The following NEDD4 variants were observed in gnomAD, a reference collection of about 807,000 sequenced individuals.
The protein encoded by NEDD4 is NEDD4 E3 ubiquitin protein ligase, also known as E3 ubiquitin-protein ligase NEDD4.
Under a neutral mutation model 144.9 loss-of-function variants are expected in NEDD4, and 99 were observed. That is an observed-to-expected ratio of 0.68 (90% confidence interval 0.58 to 0.81). NEDD4 has a LOEUF of 0.81. NEDD4 is among the 30% of genes least tolerant of loss of function. The probability of loss-of-function intolerance (pLI) is 0.00; values close to 1 mark genes in which losing one functional copy is unlikely to be tolerated. For missense variants in NEDD4, 985 were observed against 1,065.9 expected, an observed-to-expected ratio of 0.92 and a Z score of 1.06; for synonymous variants, 318 against 350.6, an observed-to-expected ratio of 0.91 and a Z score of 1.04.
At position 55,860,656 on chromosome 15, in the gene NEDD4, T is replaced by G. The variant is rs771067108; in HGVS notation, c.792+5A>C. The G allele has an allele frequency of 1.9e-6, 3 of 1,613,994 alleles. No individual in the cohort carries two copies. The highest frequency in any genetic ancestry group is 2.5e-6 in the Non-Finnish European group (3 of 1,179,878). On this transcript the variant is annotated splice_donor_5th_base_variant and intron_variant, in intron 10 of 28. Coordinates refer to ENST00000435532, the MANE Select transcript of NEDD4 (RefSeq NM_006154.4). ...TTTCAAGGAGAACTAGGAAACTACT[T>G]ATACCTCGGAAGACTCTCGGTTGTC...
chr15:55,884,913 C>A (rs1387150366), intron 5 of NEDD4, among the ~76,000 whole-genome samples: 1 of 152,034 alleles, frequency 6.6e-6, no homozygotes, highest in African/African-American at 2.4e-5. Flanking sequence ...GAGAACTGTC[C>A]AAACCTAGAG....
intron 8 of NEDD4, 129 bp from the exon 9 acceptor site, chr15:55,863,208 C>A: frequency 1.4e-6 from 1 of 724,310 alleles, no homozygotes. Context: ...ACAGAATAAA[C>A]AATCCTCAAC....
intron 5 of NEDD4, among the ~76,000 whole-genome samples, chr15:55,899,752 G>A (rs2035853977): frequency 6.6e-6 from 1 of 152,184 alleles, no homozygotes; most frequent in Non-Finnish European, 1.5e-5. Context: ...TGTACTGATG[G>A]AAATGTTCTG....
intron 5 of NEDD4, among the ~76,000 whole-genome samples, chr15:55,913,440 C>T (rs563015140): frequency 6.6e-4 from 101 of 152,134 alleles, no homozygotes; most frequent in Non-Finnish European, 1.1e-3. Context: ...TTTGATTTAT[C>T]AATTAGATCT....
intron 2 of NEDD4, among the ~76,000 whole-genome samples, chr15:55,961,287 T>C (rs187829433): frequency 8.4e-4 from 128 of 152,022 alleles, no homozygotes; most frequent in Admixed American, 2.2e-3. Context: ...GCCACTCTCA[T>C]GTGAGAGACT....
intron 5 of NEDD4, among the ~76,000 whole-genome samples, chr15:55,912,638 GA>G (rs1471898624): frequency 1.3e-5 from 2 of 152,030 alleles, no homozygotes; most frequent in African/African-American, 4.8e-5. Context: ...TAACAGTAGA[GA>G]AAAGTAACTA....
chr15:55,860,217 C>T (rs1220904654), intron 11 of NEDD4, among the ~76,000 whole-genome samples, 190 bp downstream of exon 11: 1 of 152,144 alleles, frequency 6.6e-6, no homozygotes, highest in East Asian at 1.9e-4. Flanking sequence ...ATTTGGATGC[C>T]ATGACTCTGG....
chr15:55,830,102 C>G (rs1478261688), intron 28 of NEDD4, 103 bp from the exon 29 acceptor site: 1 of 784,062 alleles, frequency 1.3e-6, no homozygotes, highest in Non-Finnish European at 2.1e-6. Flanking sequence ...TGTTCCAACA[C>G]CACCAAAATA....
At chr15:55,957,439 C>T (rs565253352) in intron 2 of NEDD4, among the ~76,000 whole-genome samples, 1 of 152,186 alleles carries the variant, frequency 6.6e-6, no homozygotes, top group African/African-American at 2.4e-5. Flanking sequence ...TCATAGATAC[C>T]CCTGATGAGG....
chr15:55,967,459 T>C (rs2142331537), intron 1 of NEDD4, among the ~76,000 whole-genome samples: 1 of 151,036 alleles, frequency 6.6e-6, no homozygotes, highest in South Asian at 2.1e-4. Flanking sequence ...TGTGTGTGTG[T>C]GTGTGTGTGT....
intron 1 of NEDD4, among the ~76,000 whole-genome samples, chr15:55,971,454 G>A (rs903180159): frequency 2.6e-5 from 4 of 151,734 alleles, no homozygotes; most frequent in South Asian, 2.1e-4. Flanking sequence ...GTTAAACCCC[G>A]TCTCCACTAA....
chr15:55,952,017 C>T (rs2142302629), intron 2 of NEDD4, among the ~76,000 whole-genome samples: 1 of 149,728 alleles, frequency 6.7e-6, no homozygotes. Flanking sequence ...ACTGCTTTCA[C>T]TTAAAAAAAA....
intron 21 of NEDD4, among the ~76,000 whole-genome samples, chr15:55,839,014 ATTTTTATTTTTTAATTTAATTTTTTT>A (rs1390644565): frequency 6.6e-6 from 1 of 150,628 alleles, no homozygotes; most frequent in Non-Finnish European, 1.5e-5. Flanking sequence ...TAAATGTTTT[ATTTTTATTTTTTAATTTAATTTTTTT>A]TTTTTTGAGA....
chr15:55,962,285 G>A (rs1241909541), intron 2 of NEDD4, among the ~76,000 whole-genome samples: 3 of 152,128 alleles, frequency 2.0e-5, no homozygotes, highest in African/African-American at 4.8e-5. Context: ...AGTGCATCAC[G>A]TAGGACAGTA....
Position 55,848,570 on chromosome 15 carries a change from T to A in NEDD4, c.1434A>T (p.Gly478=), listed in dbSNP as rs1388383649. The change falls in exon 16 of 29, where the codon GGA becomes GGT. Residue 478 remains glycine, a synonymous_variant. Coordinates refer to ENST00000435532, the MANE Select transcript of NEDD4 (RefSeq NM_006154.4). ...CATCTGTGTGAGTTCTCTCTTCCCA[T>A]CCTGGCTATAATTAAAAATGTATTT... The part of the protein sequence containing the change: ...TSNDLGPLPP[G]WEERTHTDGR... 4 of 1,612,694 alleles carry A rather than the reference T, an allele frequency of 2.5e-6. No homozygotes were observed. Among genetic ancestry groups the A allele is most frequent in the Non-Finnish European group, 3.4e-6 (4 of 1,179,050 alleles).
chr15:55,993,389 G>T, intron 1 of NEDD4, 122 bp downstream of exon 1: 1 of 1,278,874 alleles, frequency 7.8e-7, no homozygotes. Flanking sequence ...CCCCAGGCTC[G>T]CGCCGAGGGA....
intron 24 of NEDD4, 114 bp from the exon 25 acceptor site, chr15:55,834,400 C>T (rs766155386): frequency 4.3e-5 from 28 of 654,098 alleles, no homozygotes; most frequent in East Asian, 1.3e-4. Flanking sequence ...TCTACCACTA[C>T]ACAATCACGG....
intron 5 of NEDD4, among the ~76,000 whole-genome samples, chr15:55,895,974 G>A (rs192646821): frequency 1.3e-5 from 2 of 152,276 alleles, no homozygotes; most frequent in South Asian, 2.1e-4. Context: ...GGTTTTATAC[G>A]AGGCATCTTA....
chr15:55,911,779 C>G (rs552047960), intron 5 of NEDD4, among the ~76,000 whole-genome samples: 126 of 152,236 alleles, frequency 8.3e-4, no homozygotes, highest in Non-Finnish European at 2.4e-4. Flanking sequence ...CCGCCCGTCT[C>G]GGCCTCCCAA....
Sources: gnomAD v4.1 joint callset for allele counts (sites outside exome capture counted in the v4.1 genomes callset) on GRCh38, gnomAD v4.1.1 for gene constraint, MANE v1.5 for transcripts, NCBI Gene and HGNC (gene_info 2026-07-23, HGNC 2026-07-21) for gene names.